MYO3B: variants seen among roughly 807,000 people sequenced by gnomAD.
MYO3B encodes the protein myosin-IIIb.
A neutral mutation model predicts 174.6 loss-of-function variants in MYO3B; 156 were observed. The observed-to-expected ratio is 0.89, with a 90% CI of 0.78 to 1.02. The LOEUF (loss-of-function observed/expected upper bound fraction) is 1.02. MYO3B is among the 50% of genes least tolerant of loss of function. The pLI, the probability that MYO3B is intolerant of heterozygous loss-of-function variation, is 0.00. For missense variants in MYO3B, 1,632 were observed against 1,639.4 expected (o/e 1.00, Z 0.08); for synonymous variants, 563 against 569.1 (o/e 0.99, Z 0.15).
intron 32 of MYO3B, among the ~76,000 whole-genome samples, chr2:170,569,356 T>C (rs991641227): frequency 6.6e-6 from 1 of 152,150 alleles, no homozygotes; most frequent in African/African-American, 2.4e-5. Context: ...CAATAATGAC[T>C]GTATAATAAG....
rs897807613 is a variant in MYO3B at position 170,492,048 on chromosome 2, C to T, written c.3015-6544C>T. 7.2e-5 allele frequency among the ~76,000 whole-genome samples: 10 copies of T among 139,438 alleles called. No individual in the cohort carries two copies. The South Asian group carries it at 1.0e-3, about 15-fold the overall frequency. 91.5% of individuals were successfully genotyped at this position (139,438 alleles called of 152,430 possible). On this transcript the variant is annotated intron_variant, in intron 25 of 34. Transcript: ENST00000408978. ...AGCCTGGGTGACAGAGATGAGACTC[C>T]GTCTCAAAAAAAAAAAAAAAAGATT...
rs1559201130 is a variant in MYO3B at position 170,649,122 on chromosome 2, ATGTATATAAAATAATATATAATATAT to A, written c.3734-2504_3734-2479del. On this transcript the variant is annotated intron_variant, in intron 32 of 34. Transcript: ENST00000408978. ...TATATTATATATAAAATAATATATA[ATGTATATAAAATAATATATAATATAT>A]TATATATAAAATAATATATAATATA... is the stretch of plus-strand genomic sequence containing the variant. Among the ~76,000 whole-genome samples, 27 of 57,974 alleles carry A rather than the reference ATGTATATAAAATAATATATAATATAT, an allele frequency of 4.7e-4. 2 individuals are homozygous for A. The highest frequency in any genetic ancestry group is 2.6e-3 in the African/African-American group (25 of 9,722). 38.0% of individuals were successfully genotyped at this position (57,974 alleles called of 152,430 possible).
intron 25 of MYO3B, among the ~76,000 whole-genome samples, chr2:170,488,739 T>C (rs1686238135): frequency 1.3e-5 from 2 of 152,104 alleles, no homozygotes; most frequent in Admixed American, 6.5e-5. Flanking sequence ...CATATCTATT[T>C]ATCAGTTGGA....
chr2:170,401,788 T>A, intron 18 of MYO3B, 97 bp downstream of exon 18: 1 of 1,039,560 alleles, frequency 9.6e-7, no homozygotes, highest in Non-Finnish European at 1.4e-6. Context: ...CTCTCTGGGA[T>A]TTTCTTTCTT....
At chr2:170,487,378 G>T (rs1686134973) in intron 25 of MYO3B, among the ~76,000 whole-genome samples, 1 of 152,150 alleles carries the variant, frequency 6.6e-6, no homozygotes, top group Non-Finnish European at 1.5e-5. Flanking sequence ...AAAGCTTCAT[G>T]AGGGCAGGGA....
At chr2:170,649,283 T>TATATAATATATATAAAATAATATATA (rs1196650010) in intron 32 of MYO3B, among the ~76,000 whole-genome samples, 1 of 45,908 alleles carries the variant, frequency 2.2e-5, no homozygotes, top group African/African-American at 1.2e-4. Flanking sequence ...TATAAAATAA[T>TATATAATATATATAAAATAATATATA]ATATATTATA....
intron 1 of MYO3B, among the ~76,000 whole-genome samples, chr2:170,179,386 C>T (rs1391590724): frequency 2.0e-5 from 3 of 152,090 alleles, no homozygotes; most frequent in Non-Finnish European, 2.9e-5. Flanking sequence ...CCTACTCTTA[C>T]GTCTTTACCA....
At chr2:170,191,395 G>C (rs1368086787) in intron 1 of MYO3B, among the ~76,000 whole-genome samples, 2 of 152,076 alleles carry the variant, frequency 1.3e-5, no homozygotes, top group Admixed American at 1.3e-4. Flanking sequence ...CACAGCGTCA[G>C]GACTTGCCCA....
chr2:170,317,018 T>C (rs1454878985), intron 7 of MYO3B, among the ~76,000 whole-genome samples: 1 of 152,218 alleles, frequency 6.6e-6, no homozygotes, highest in African/African-American at 2.4e-5. Context: ...TATTGCATTT[T>C]TGTTTATTGA....
chr2:170,444,101 AG>A (rs2094822832), intron 23 of MYO3B, 55 bp downstream of exon 23: 5 of 1,492,026 alleles, frequency 3.4e-6, no homozygotes. Flanking sequence ...CTCTTGACCC[AG>A]GGATAATCTT....
In MYO3B at chr2:170,503,918, G is replaced by A. The variant is rs1446681683; in HGVS notation, c.3370+2053G>A. ...TTGGTGGTAAAGATGCATGAATAGG[G>A]TAGCAATCTTTGCAATTTTATGGGC... On this transcript the variant is annotated intron_variant, in intron 28 of 34. Coordinates refer to ENST00000408978, the MANE Select transcript of MYO3B (RefSeq NM_138995.5). Among the ~76,000 whole-genome samples the A allele has an allele frequency of 5.3e-5, 8 of 152,316 alleles. No homozygotes were observed. In the East Asian group the frequency reaches 1.5e-3, roughly 29 times the overall value.
chr2:170,644,121 C>T (rs979686351), intron 32 of MYO3B, among the ~76,000 whole-genome samples: 3 of 152,168 alleles, frequency 2.0e-5, no homozygotes, highest in Non-Finnish European at 2.9e-5. Context: ...TACAACTGTG[C>T]ATGAATTAGG....
At chr2:170,331,672 C>T (rs1468355482) in intron 7 of MYO3B, among the ~76,000 whole-genome samples, 1 of 152,138 alleles carries the variant, frequency 6.6e-6, no homozygotes, top group Non-Finnish European at 1.5e-5. Context: ...GTACTCCTTT[C>T]TTAAGGCTGA....
chr2:170,218,455 A>G (rs988532746), intron 6 of MYO3B, among the ~76,000 whole-genome samples: 25 of 152,248 alleles, frequency 1.6e-4, no homozygotes, highest in African/African-American at 5.5e-4. Flanking sequence ...TGCCAGTAAC[A>G]TTCAAGTAAG....
At position 170,357,352 on chromosome 2, in the gene MYO3B, T is replaced by TA. The variant is rs1491496727; in HGVS notation, c.816-11870_816-11869insA. Reference sequence around the variant, plus strand: ...AAATAATATATATTATATATATATATTTTATATATTATATATTTATATGTG... The same window carrying TA: ...AAATAATATATATTATATATATATATATTTATATATTATATATTTATATGTG... On this transcript the variant is annotated intron_variant, in intron 8 of 34. Coordinates refer to ENST00000408978, the MANE Select transcript of MYO3B (RefSeq NM_138995.5). Among the ~76,000 whole-genome samples the TA allele has an allele frequency of 1.5e-3, 217 of 143,122 alleles. 1 individual carries two copies. Among genetic ancestry groups the TA allele is most frequent in the African/African-American group, 5.1e-3 (194 of 37,802 alleles). 93.9% of individuals were successfully genotyped at this position (143,122 alleles called of 152,430 possible).
chr2:170,207,903 CTG>C (rs2092730950), intron 3 of MYO3B, among the ~76,000 whole-genome samples: 1 of 152,096 alleles, frequency 6.6e-6, no homozygotes, highest in Non-Finnish European at 1.5e-5. Flanking sequence ...GTTCCAGTGA[CTG>C]TGACAGGGTA....
chr2:170,594,827 GCACACACACA>G (rs3047151), intron 32 of MYO3B, among the ~76,000 whole-genome samples: 4 of 135,186 alleles, frequency 3.0e-5, no homozygotes, highest in East Asian at 2.2e-4. Flanking sequence ...CCCAGCGCGC[GCACACACACA>G]CACACACACA....
In MYO3B at chr2:170,387,236, C is replaced by A. The variant is rs779179317; in HGVS notation, c.1505C>A (p.Pro502Gln). The A allele has an allele frequency of 6.2e-7, 1 of 1,614,112 alleles. No individual in the cohort carries two copies. The highest frequency in any genetic ancestry group is 1.7e-5 in the Admixed American group (1 of 59,996). The change falls in exon 14 of 35, where the codon CCA (proline) becomes CAA (glutamine). Residue 502 changes from proline to glutamine, a missense_variant. Coordinates refer to ENST00000408978, the MANE Select transcript of MYO3B (RefSeq NM_138995.5). Reference protein sequence around the residue: ...FGKYLEMMFTPTGVVMGARIS... With the variant: ...FGKYLEMMFTQTGVVMGARIS... Reference sequence around the variant, plus strand: ...AAATATCTGGAAATGATGTTTACACCAACTGGAGTTGTGATGGGGGCAAGA... The same window carrying A: ...AAATATCTGGAAATGATGTTTACACAAACTGGAGTTGTGATGGGGGCAAGA...
chr2:170,315,788 A>G (rs769804769), intron 7 of MYO3B, among the ~76,000 whole-genome samples: 7 of 152,190 alleles, frequency 4.6e-5, no homozygotes, highest in Non-Finnish European at 1.0e-4. Flanking sequence ...GAGTTAGGAA[A>G]TTGCCCAGGC....
Sources: gnomAD v4.1 joint callset for allele counts (sites outside exome capture counted in the v4.1 genomes callset) on GRCh38, gnomAD v4.1.1 for gene constraint, MANE v1.5 for transcripts, NCBI Gene and HGNC (gene_info 2026-07-23, HGNC 2026-07-21) for gene names.